Variants in NPAS3 observed in about 807,000 individuals in gnomAD.
NPAS3 encodes the protein neuronal PAS domain-containing protein 3.
In NPAS3, 14 loss-of-function variants were observed where a neutral mutation model predicts 73.1. The ratio of observed to expected loss-of-function variants is 0.19; its 90% CI spans 0.13 to 0.30. The LOEUF is 0.30. Ranked by LOEUF, NPAS3 falls within the 10% of genes least tolerant of loss-of-function variation. The pLI is 1.00. For synonymous variants in NPAS3, 620 were observed against 541.5 expected, an observed-to-expected ratio of 1.14 and a Z score of -2.01; for missense variants, 1,096 against 1,250.0, an observed-to-expected ratio of 0.88 and a Z score of 1.86.
At chr14:33,212,611 A>G (rs1226224610) in intron 2 of NPAS3, among the ~76,000 whole-genome samples, 4 of 152,184 alleles carry the variant, frequency 2.6e-5, no homozygotes, top group African/African-American at 9.6e-5. Flanking sequence ...TCTCCCTAGT[A>G]TCTATCCTTT....
chr14:33,115,573 A>G (rs917877640), intron 2 of NPAS3, among the ~76,000 whole-genome samples: 9 of 152,170 alleles, frequency 5.9e-5, no homozygotes, highest in African/African-American at 1.7e-4. Flanking sequence ...AAGGTGTTCC[A>G]TCTTAACTAG....
At chr14:33,617,989 C>T (rs1017780075) in intron 5 of NPAS3, among the ~76,000 whole-genome samples, 2 of 152,132 alleles carry the variant, frequency 1.3e-5, no homozygotes, top group South Asian at 2.1e-4. Context: ...CACAGTAACT[C>T]GGAAGTGCAT....
intron 3 of NPAS3, among the ~76,000 whole-genome samples, chr14:33,341,323 T>C (rs1330023600): frequency 6.6e-6 from 1 of 152,212 alleles, no homozygotes; most frequent in Non-Finnish European, 1.5e-5. Context: ...AAATCTAAAG[T>C]CTCAACCCAG....
At chr14:33,708,121 C>A (rs80124985) in intron 6 of NPAS3, among the ~76,000 whole-genome samples, 1 of 152,140 alleles carries the variant, frequency 6.6e-6, no homozygotes, top group Non-Finnish European at 1.5e-5. Context: ...AGCACCTCAC[C>A]GTGTTCATGG....
intron 3 of NPAS3, among the ~76,000 whole-genome samples, chr14:33,278,059 A>T (rs539269596): frequency 6.6e-6 from 1 of 152,238 alleles, no homozygotes; most frequent in East Asian, 1.9e-4. Context: ...TTATATTTTG[A>T]AGGCTAAACT....
chr14:33,290,791 A>AT (rs2042069412), intron 3 of NPAS3, among the ~76,000 whole-genome samples: 1 of 152,234 alleles, frequency 6.6e-6, no homozygotes, highest in Non-Finnish European at 1.5e-5. Flanking sequence ...TTTTGTGGGA[A>AT]CTTGATATTT....
At chr14:33,475,578 T>C (rs1272132205) in intron 4 of NPAS3, among the ~76,000 whole-genome samples, 3 of 151,372 alleles carry the variant, frequency 2.0e-5, no homozygotes, top group South Asian at 4.2e-4. Context: ...CCTAATTTTA[T>C]AAACAGATCT....
intron 6 of NPAS3, among the ~76,000 whole-genome samples, chr14:33,726,290 A>G (rs1284337863): frequency 1.3e-5 from 2 of 152,192 alleles, no homozygotes; most frequent in African/African-American, 4.8e-5. Flanking sequence ...AATCATGCCC[A>G]TTAAATATTT....
At chr14:33,462,701 C>T (rs191172990) in intron 4 of NPAS3, among the ~76,000 whole-genome samples, 8 of 152,232 alleles carry the variant, frequency 5.3e-5, no homozygotes, top group Admixed American at 2.6e-4. Flanking sequence ...CTAAGGCACC[C>T]GGGAAGACTT....
chr14:33,569,426 C>G (rs1034538461), intron 5 of NPAS3, among the ~76,000 whole-genome samples: 1 of 151,960 alleles, frequency 6.6e-6, no homozygotes, highest in African/African-American at 2.4e-5. Context: ...TTTGGTGAAC[C>G]TAGGAAGTAT....
chr14:33,489,567 A>G lies in NPAS3; in HGVS notation c.469-70554A>G, dbSNP rs530409610. Among the ~76,000 whole-genome samples, 11 of 152,316 alleles carry G rather than the reference A, an allele frequency of 7.2e-5. No homozygotes were observed. In the South Asian group the frequency reaches 2.3e-3, roughly 32 times the overall value. On this transcript the variant is annotated intron_variant, in intron 4 of 11. Transcript: ENST00000356141. ...ATATGCCTCCACTTTAAAAGAATGTAAACTTGTATTGTAATATTTAGCAAA... is the reference window on the plus strand; with the variant it reads ...ATATGCCTCCACTTTAAAAGAATGTGAACTTGTATTGTAATATTTAGCAAA...
intron 2 of NPAS3, among the ~76,000 whole-genome samples, chr14:33,126,774 C>T (rs1181584863): frequency 6.6e-6 from 1 of 152,098 alleles, no homozygotes. Flanking sequence ...CAGAACACCT[C>T]CTGCAAGCCA....
At chr14:33,592,637 A>C (rs1196253579) in intron 5 of NPAS3, among the ~76,000 whole-genome samples, 1 of 152,218 alleles carries the variant, frequency 6.6e-6, no homozygotes, top group Admixed American at 6.5e-5. Context: ...GAAGACAGTA[A>C]ATTAATGAAA....
intron 8 of NPAS3, 71 bp from the exon 9 acceptor site, chr14:33,778,395 T>G: frequency 8.9e-7 from 1 of 1,122,564 alleles, no homozygotes; most frequent in Non-Finnish European, 1.4e-6. Context: ...GTAGAACTGT[T>G]TCTAAGTTAT....
At chr14:33,084,544 A>G (rs1477009313) in intron 2 of NPAS3, among the ~76,000 whole-genome samples, 1 of 152,210 alleles carries the variant, frequency 6.6e-6, no homozygotes, top group Non-Finnish European at 1.5e-5. Flanking sequence ...AAACAGTGTT[A>G]TAGGTGGAAG....
At chr14:33,408,621 T>C (rs1226712484) in intron 4 of NPAS3, among the ~76,000 whole-genome samples, 2 of 152,194 alleles carry the variant, frequency 1.3e-5, no homozygotes, top group African/African-American at 4.8e-5. Flanking sequence ...TTTCCTTTGA[T>C]TATAAATGTA....
intron 3 of NPAS3, among the ~76,000 whole-genome samples, chr14:33,324,683 C>A (rs2043611739): frequency 6.6e-6 from 1 of 152,132 alleles, no homozygotes. Context: ...ATTATAGCTA[C>A]AGCAAAATTT....
intron 5 of NPAS3, among the ~76,000 whole-genome samples, chr14:33,652,799 C>A (rs2059034195): frequency 6.6e-6 from 1 of 152,176 alleles, no homozygotes; most frequent in Admixed American, 6.5e-5. Flanking sequence ...ATCTACCAGG[C>A]CACCTTTTGT....
chr14:33,315,043 T>C (rs934824868), intron 3 of NPAS3, among the ~76,000 whole-genome samples: 3 of 152,038 alleles, frequency 2.0e-5, no homozygotes, highest in Non-Finnish European at 2.9e-5. Flanking sequence ...TTAATAATTA[T>C]CTGTGTAAAT....
Sources: gnomAD v4.1 joint callset for allele counts (sites outside exome capture counted in the v4.1 genomes callset) on GRCh38, gnomAD v4.1.1 for gene constraint, MANE v1.5 for transcripts, NCBI Gene and HGNC (gene_info 2026-07-23, HGNC 2026-07-21) for gene names.